PTPRN2: variants seen among roughly 807,000 people sequenced by gnomAD.
The protein encoded by PTPRN2 is receptor-type tyrosine-protein phosphatase N2.
In PTPRN2, 74 loss-of-function variants were observed where a neutral mutation model predicts 118.8. The observed-to-expected ratio is 0.62, with a 90% confidence interval of 0.52 to 0.76. The LOEUF (loss-of-function observed/expected upper bound fraction) is 0.76, where lower values mean the gene tolerates loss of function less well. PTPRN2 is among the 30% of genes least tolerant of loss of function. The pLI is 0.00. For synonymous variants in PTPRN2, 641 were observed against 608.0 expected (o/e 1.05, Z -0.80); for missense variants, 1,481 against 1,394.4 (o/e 1.06, Z -0.99).
In PTPRN2 at chr7:158,238,906, C is replaced by T. The variant is rs1795732308; in HGVS notation, c.278-33633G>A. Among the ~76,000 whole-genome samples the T allele has an allele frequency of 2.6e-5, 4 of 151,840 alleles. No individual in the cohort carries two copies. The South Asian group carries it at 8.3e-4, about 31-fold the overall frequency. ...GAGGTGAGAGCAGAGGTGTGAAGGC[C>T]ACGCAGCCCCCAGGACGCCCCCAGG... is the stretch of plus-strand genomic sequence containing the variant. On this transcript the variant is annotated intron_variant, in intron 3 of 22. Transcript: ENST00000389418.
intron 1 of PTPRN2, among the ~76,000 whole-genome samples, chr7:158,576,220 G>C (rs1448830491): frequency 6.6e-6 from 1 of 152,152 alleles, no homozygotes; most frequent in Non-Finnish European, 1.5e-5. Flanking sequence ...CTCACAGCCA[G>C]GCACTGCCAG....
chr7:157,874,321 C>T lies in PTPRN2; in HGVS notation c.1788+24352G>A, dbSNP rs1396170178. On this transcript the variant is annotated intron_variant, in intron 12 of 22. Transcript: ENST00000389418. The surrounding 1 kb of genome is among the most constrained non-coding windows in gnomAD (Gnocchi z 5.8). ...TGGACTGCAGTGCTCCACTTGGCCT[C>T]GCCCACCTCTCAGCCCATTTTCAAC... Among the ~76,000 whole-genome samples the T allele has an allele frequency of 3.3e-5, 5 of 152,146 alleles. No homozygotes were observed. The highest frequency in any genetic ancestry group is 1.9e-4 in the East Asian group (1 of 5,182).
intron 3 of PTPRN2, among the ~76,000 whole-genome samples, chr7:158,274,338 C>CACAGGGGGA (rs1798793472): frequency 1.3e-3 from 4 of 3,026 alleles, no homozygotes; most frequent in African/African-American, 6.4e-3. Context: ...GAGCCGCAGA[C>CACAGGGGGA]GCGGGAGAGC....
chr7:158,450,971 G>C (rs532495578), intron 2 of PTPRN2, among the ~76,000 whole-genome samples: 68 of 152,306 alleles, frequency 4.5e-4, no homozygotes, highest in Non-Finnish European at 4.9e-4. Context: ...ATCACAGCCA[G>C]GTGCTTCCAG....
At chr7:158,541,070 T>A (rs1360131634) in intron 1 of PTPRN2, among the ~76,000 whole-genome samples, 1 of 152,220 alleles carries the variant, frequency 6.6e-6, no homozygotes, top group South Asian at 2.1e-4. Context: ...TTGGCAATGC[T>A]GGGATTTGAA....
Position 158,570,863 on chromosome 7 carries a change from G to A in PTPRN2, c.112+16695C>T, listed in dbSNP as rs115136198. Among the ~76,000 whole-genome samples, 922 of 152,290 alleles carry A rather than the reference G, an allele frequency of 6.1e-3. 9 individuals are homozygous for A. The highest frequency in any genetic ancestry group is 0.021 in the African/African-American group (862 of 41,560). ...AAAGCATCCATAAAAGCCCGACATT[G>A]TGGAAAGACACAAACGTGCATGGAC... On this transcript the variant is annotated intron_variant, in intron 1 of 22. Coordinates refer to ENST00000389418, the MANE Select transcript of PTPRN2 (RefSeq NM_002847.5). This position sits in a 1 kb window ranked among gnomAD's most constrained non-coding sequence, Gnocchi z 4.5.
At chr7:158,306,253 C>T (rs1484417987) in intron 3 of PTPRN2, among the ~76,000 whole-genome samples, 1 of 152,168 alleles carries the variant, frequency 6.6e-6, no homozygotes, top group Non-Finnish European at 1.5e-5. Context: ...GAGATGTGCA[C>T]AGGTGCTTTG....
intron 11 of PTPRN2, among the ~76,000 whole-genome samples, chr7:157,985,849 C>T (rs553330082): frequency 2.0e-5 from 3 of 148,282 alleles, no homozygotes; most frequent in East Asian, 4.0e-4. Context: ...CGGCCTCGCT[C>T]AGAAAGCTCC....
intron 11 of PTPRN2, among the ~76,000 whole-genome samples, chr7:158,005,662 G>C (rs1399254395): frequency 6.6e-6 from 1 of 152,210 alleles, no homozygotes; most frequent in Non-Finnish European, 1.5e-5. Flanking sequence ...GGAAGCATCT[G>C]CGGTGAGGCC....
intron 1 of PTPRN2, among the ~76,000 whole-genome samples, 194 bp from the exon 2 acceptor site, chr7:158,489,979 G>A (rs116693588): frequency 2.4e-4 from 37 of 152,326 alleles, no homozygotes; most frequent in African/African-American, 8.2e-4. Context: ...CACGTGCGAG[G>A]CCTCCTGGCC....
intron 1 of PTPRN2, chr7:158,541,349 C>T: frequency 9.2e-7 from 1 of 1,086,016 alleles, no homozygotes; most frequent in Non-Finnish European, 1.2e-6. Flanking sequence ...CTGTCCTGAG[C>T]CCTACAAACC....
At chr7:157,541,453 C>G (rs1166578504) in intron 22 of PTPRN2, among the ~76,000 whole-genome samples, 1 of 152,252 alleles carries the variant, frequency 6.6e-6, no homozygotes, top group South Asian at 2.1e-4. Flanking sequence ...CCAGTGGGCA[C>G]GAGGGACGGG....
At position 157,585,337 on chromosome 7, in the gene PTPRN2, C is replaced by T. The variant is rs1189467569; in HGVS notation, c.2497-7197G>A. Among the ~76,000 whole-genome samples the T allele has an allele frequency of 1.3e-5, 2 of 152,182 alleles. No homozygotes were observed. Among genetic ancestry groups the T allele is most frequent in the Non-Finnish European group, 2.9e-5 (2 of 68,028 alleles). ...ATTGCTGCCCAGGAGGAAGGGGAAGCCTCAGAATGAGGACTTGCCACTCCA... is the reference window on the plus strand; with the variant it reads ...ATTGCTGCCCAGGAGGAAGGGGAAGTCTCAGAATGAGGACTTGCCACTCCA... On this transcript the variant is annotated intron_variant, in intron 17 of 22. Coordinates refer to ENST00000389418, the MANE Select transcript of PTPRN2 (RefSeq NM_002847.5). The surrounding 1 kb of genome is among the most constrained non-coding windows in gnomAD (Gnocchi z 5.2).
At chr7:158,430,989 C>A (rs1816129287) in intron 2 of PTPRN2, among the ~76,000 whole-genome samples, 1 of 152,140 alleles carries the variant, frequency 6.6e-6, no homozygotes, top group South Asian at 2.1e-4. Context: ...TCCAGTCAGC[C>A]CTTGAGGGAG....
chr7:158,587,700 A>ATGGCC lies in PTPRN2; in HGVS notation c.-36_-32dup. Reference sequence around the variant, plus strand: ...CGGCCTGGCCGGCGGCGCTCAGTCCATGGCCGCGCGGGAGGCGGCGGGAGG... The same window carrying ATGGCC: ...CGGCCTGGCCGGCGGCGCTCAGTCCATGGCCTGGCCGCGCGGGAGGCGGCGGGAGG... On this transcript the variant is annotated 5_prime_UTR_variant, in exon 1 of 23. The change creates a new upstream start codon in the 5' untranslated region. Coordinates refer to ENST00000389418, the MANE Select transcript of PTPRN2 (RefSeq NM_002847.5). 8.5e-7 allele frequency: 1 copy of ATGGCC among 1,179,896 alleles called. No individual in the cohort carries two copies. Among genetic ancestry groups the ATGGCC allele is most frequent in the East Asian group, 3.7e-5 (1 of 26,862 alleles). 73.1% of individuals were successfully genotyped at this position (1,179,896 alleles called of 1,614,324 possible). A position where few individuals can be genotyped will look rare whatever the true frequency, so the allele number is the denominator to read the frequency against.
At chr7:158,215,181 G>A (rs1827870756) in intron 3 of PTPRN2, among the ~76,000 whole-genome samples, 1 of 152,096 alleles carries the variant, frequency 6.6e-6, no homozygotes, top group South Asian at 2.1e-4. Flanking sequence ...GTAAATAAAA[G>A]CCAAATTGAA....
At chr7:158,258,879 C>T (rs1341133554) in intron 3 of PTPRN2, among the ~76,000 whole-genome samples, 4 of 152,206 alleles carry the variant, frequency 2.6e-5, no homozygotes, top group Admixed American at 6.5e-5. Context: ...GGTCTGTCCA[C>T]GAGGCCTGCA....
chr7:158,221,672 T>C (rs541242952), intron 3 of PTPRN2, among the ~76,000 whole-genome samples: 2 of 152,134 alleles, frequency 1.3e-5, no homozygotes, highest in Non-Finnish European at 2.9e-5. Flanking sequence ...ATCCATCAGA[T>C]CTCATGAGAC....
At chr7:157,885,609 C>T (rs1239041502) in intron 12 of PTPRN2, among the ~76,000 whole-genome samples, 1 of 152,186 alleles carries the variant, frequency 6.6e-6, no homozygotes, top group Non-Finnish European at 1.5e-5. Flanking sequence ...CTGGACAATT[C>T]CAGGGTTGAA....
Sources: gnomAD v4.1 joint callset for allele counts (sites outside exome capture counted in the v4.1 genomes callset) on GRCh38, gnomAD v4.1.1 for gene constraint, Gnocchi (gnomAD v3.1) non-coding constraint, MANE v1.5 for transcripts, NCBI Gene and HGNC (gene_info 2026-07-23, HGNC 2026-07-21) for gene names.